DNAH11: variants seen among roughly 807,000 people sequenced by gnomAD.
The protein encoded by DNAH11 is dynein axonemal heavy chain 11, also known as axonemal beta dynein heavy chain 11.
Under a neutral mutation model 526.0 loss-of-function variants are expected in DNAH11, and 442 were observed. The observed-to-expected ratio is 0.84, with a 90% CI of 0.78 to 0.91. The LOEUF is 0.91. Among genes scored for constraint, DNAH11 ranks in the 40% least tolerant of loss-of-function variants. The probability of loss-of-function intolerance (pLI) is 0.00; values close to 1 mark genes in which losing one functional copy is unlikely to be tolerated. For missense variants in DNAH11, 6,989 were observed against 5,448.7 expected (o/e 1.28, Z -8.90); for synonymous variants, 2,461 against 1,935.9 (o/e 1.27, Z -7.12).
Position 21,744,960 on chromosome 7 carries a change from G to A in DNAH11, c.8407G>A (p.Asp2803Asn), listed in dbSNP as rs1404153982. The change falls in exon 51 of 82, where the codon GAC (aspartate) becomes AAC (asparagine). Residue 2803 changes from aspartate to asparagine, a missense_variant. Physicochemically the swap from Asp to Asn is conservative, Grantham distance 23. Transcript: ENST00000409508. The stretch of plus-strand genomic sequence containing the variant: ...GGACCCACATTACATGCCAGTGAAG[G>A]ACTGGGAAGTGCTGAAGACGATTCT... The part of the protein sequence containing the change: ...GKDPHYMPVK[D>N]WEVLKTILTE... 6.2e-7 allele frequency: 1 copy of A among 1,610,618 alleles called. No individual in the cohort carries two copies. Among genetic ancestry groups the A allele is most frequent in the Non-Finnish European group, 8.5e-7 (1 of 1,178,386 alleles).
intron 62 of DNAH11, among the ~76,000 whole-genome samples, chr7:21,805,285 C>G (rs1789213049): frequency 6.6e-6 from 1 of 152,094 alleles, no homozygotes; most frequent in African/African-American, 2.4e-5. Context: ...CGCACAAATA[C>G]TTTTTTTGGT....
intron 20 of DNAH11, among the ~76,000 whole-genome samples, chr7:21,611,532 A>G (rs1373716141): frequency 6.6e-6 from 1 of 152,178 alleles, no homozygotes; most frequent in Non-Finnish European, 1.5e-5. Context: ...TGACTAATAC[A>G]CTGGTCAAAA....
At chr7:21,804,079 T>A (rs1400264729) in intron 62 of DNAH11, among the ~76,000 whole-genome samples, 2 of 112,404 alleles carry the variant, frequency 1.8e-5, no homozygotes, top group East Asian at 3.0e-4. Context: ...CTTGTAGTAG[T>A]TTTTTTTGTT....
At chr7:21,733,758 A>G (rs554767375) in intron 45 of DNAH11, among the ~76,000 whole-genome samples, 2 of 152,194 alleles carry the variant, frequency 1.3e-5, no homozygotes, top group Admixed American at 6.5e-5. Context: ...TTATGCCATT[A>G]TATGTCAGGC....
At chr7:21,571,748 T>G in intron 7 of DNAH11, 58 bp from the exon 8 acceptor site, 1 of 1,333,562 alleles carries the variant, frequency 7.5e-7, no homozygotes, top group Non-Finnish European at 1.0e-6. Context: ...GATTTGAAAC[T>G]TTAAAATATT....
chr7:21,591,055 G>C (rs1377886339), intron 13 of DNAH11, 33 bp downstream of exon 13: 2 of 1,399,894 alleles, frequency 1.4e-6, no homozygotes, highest in South Asian at 3.2e-5. Context: ...AAGATACTAG[G>C]GCCTATTATG....
intron 68 of DNAH11, among the ~76,000 whole-genome samples, chr7:21,854,973 A>C (rs1013119485): frequency 6.6e-6 from 1 of 151,982 alleles, no homozygotes; most frequent in Non-Finnish European, 1.5e-5. Flanking sequence ...TGAGGTAATT[A>C]AACTGTGCAT....
At chr7:21,891,835 T>C (rs1218135631) in intron 76 of DNAH11, among the ~76,000 whole-genome samples, 1 of 152,174 alleles carries the variant, frequency 6.6e-6, no homozygotes, top group African/African-American at 2.4e-5. Flanking sequence ...ATATATGGCC[T>C]ATACATGGTA....
In DNAH11 at chr7:21,848,568, G is replaced by C. The variant is rs143517049; in HGVS notation, c.10897-3899G>C. On this transcript the variant is annotated intron_variant, in intron 66 of 81. Transcript: ENST00000409508. ...ATCTTTGGTTTTAATTGAGCACTTT[G>C]TATGATTCCAGTGTCTTCTTTCTTA... Among the ~76,000 whole-genome samples, 448 of 151,770 alleles carry C rather than the reference G, an allele frequency of 3.0e-3. 1 individual carries two copies. The highest frequency in any genetic ancestry group is 0.01 in the African/African-American group (427 of 41,388).
intron 18 of DNAH11, among the ~76,000 whole-genome samples, chr7:21,605,888 A>G (rs1324030895): frequency 2.6e-5 from 4 of 152,220 alleles, no homozygotes; most frequent in Non-Finnish European, 4.4e-5. Flanking sequence ...ATTCTGGTAC[A>G]TGCTTTGGAG....
At chr7:21,870,649 A>G (rs79611218) in intron 73 of DNAH11, among the ~76,000 whole-genome samples, 3,633 of 152,346 alleles carry the variant, frequency 0.024, 145 homozygotes, top group African/African-American at 0.081. Context: ...CGTATTCAAA[A>G]TAAACTATTT....
chr7:21,560,446 C>G (rs1258274147), intron 4 of DNAH11, among the ~76,000 whole-genome samples: 2 of 151,978 alleles, frequency 1.3e-5, no homozygotes, highest in African/African-American at 2.4e-5. Context: ...AGTCTGAGTC[C>G]CAAAACCTCA....
At chr7:21,900,921 A>ATGTT (rs1268159136) in intron 81 of DNAH11, 86 bp from the exon 82 acceptor site, 14 of 1,435,104 alleles carry the variant, frequency 9.8e-6, no homozygotes, top group South Asian at 3.1e-5. Context: ...AGAATGTTGA[A>ATGTT]TGTTTATTGC....
rs1018294431 is a variant in DNAH11 at position 21,881,003 on chromosome 7, G to C, written c.12387+110G>C. 4.0e-6 allele frequency: 4 copies of C among 994,982 alleles called. No individual in the cohort carries two copies. The Admixed American group carries it at 1.3e-4, about 32-fold the overall frequency. The allele number at this position is 994,982 out of a possible 1,614,324, so 61.6% of individuals were successfully genotyped here. On this transcript the variant is annotated intron_variant, in intron 75 of 81. Coordinates refer to ENST00000409508, the MANE Select transcript of DNAH11 (RefSeq NM_001277115.2). ...CTCTTTTGAAGCTATTATTGAAATAGCTGACACTATGTATGTATCTTCTGC... is the reference window on the plus strand; with the variant it reads ...CTCTTTTGAAGCTATTATTGAAATACCTGACACTATGTATGTATCTTCTGC...
At chr7:21,678,199 TTTCA>T (rs1782982368) in intron 30 of DNAH11, among the ~76,000 whole-genome samples, 1 of 152,028 alleles carries the variant, frequency 6.6e-6, no homozygotes, top group African/African-American at 2.4e-5. Flanking sequence ...AATTTTACAG[TTTCA>T]GGTCTTATCT....
In DNAH11 at chr7:21,690,892, T is replaced by C. The variant is rs372096044; in HGVS notation, c.6041+11T>C. ...CAAAGCTCTTTTCAGGCAAGTGTTA[T>C]GCTTTGTGGCTTAGCATCTGGTGCA... On this transcript the variant is annotated intron_variant, in intron 35 of 81. Coordinates refer to ENST00000409508, the MANE Select transcript of DNAH11 (RefSeq NM_001277115.2). 7 of 1,599,112 alleles carry C rather than the reference T, an allele frequency of 4.4e-6. No individual in the cohort carries two copies. Among genetic ancestry groups the C allele is most frequent in the Non-Finnish European group, 6.0e-6 (7 of 1,168,262 alleles).
At chr7:21,769,661 T>C (rs1041495333) in intron 55 of DNAH11, among the ~76,000 whole-genome samples, 4 of 152,012 alleles carry the variant, frequency 2.6e-5, no homozygotes, top group African/African-American at 7.2e-5. Context: ...ATTTTTGTAC[T>C]TTTAGTAGAG....
chr7:21,845,348 C>A (rs1372917174), intron 66 of DNAH11, among the ~76,000 whole-genome samples: 1 of 152,082 alleles, frequency 6.6e-6, no homozygotes, highest in Non-Finnish European at 1.5e-5. Context: ...TTGGTTCTTA[C>A]ATTTAGCTCT....
chr7:21,759,781 C>G (rs903954425), intron 54 of DNAH11, among the ~76,000 whole-genome samples: 1 of 152,110 alleles, frequency 6.6e-6, no homozygotes, highest in East Asian at 1.9e-4. Context: ...TATGTACTTA[C>G]GATGAGATCT....
Sources: allele counts gnomAD v4.1 joint callset (sites outside exome capture counted in the v4.1 genomes callset), GRCh38; gene constraint gnomAD v4.1.1; transcripts MANE v1.5; gene names NCBI Gene and HGNC (gene_info 2026-07-23, HGNC 2026-07-21).